GTSE1: variants seen among roughly 807,000 people sequenced by gnomAD.
The protein encoded by GTSE1 is G2 and S phase-expressed protein 1.
Under a neutral mutation model 60.5 loss-of-function variants are expected in GTSE1, and 52 were observed. The ratio of observed to expected loss-of-function variants is 0.86; its 90% CI spans 0.69 to 1.08. The LOEUF is 1.08. Ranked by LOEUF, GTSE1 falls within the 50% of genes least tolerant of loss-of-function variation. GTSE1 has a pLI of 0.00. For missense variants in GTSE1, 937 were observed against 961.8 expected, an observed-to-expected ratio of 0.97 and a Z score of 0.34; for synonymous variants, 368 against 386.5, an observed-to-expected ratio of 0.95 and a Z score of 0.56.
rs959904116 is a variant in GTSE1 at position 46,329,527 on chromosome 22, T to C, written c.2096T>C (p.Met699Thr). ...LIDLMTNTPD[M>T]NKNVAKPSPV... ...GACCTCATGACAAACACTCCAGACA[T>C]GAATAAAAATGTGGCCAAACCTTCA... Residue 699 changes from methionine (M) to threonine (T), a missense_variant, in exon 11 of 12, where the codon ATG becomes ACG. By Grantham distance (81) the Met-to-Thr change is moderately conservative. Coordinates refer to ENST00000454366, the MANE Select transcript of GTSE1 (RefSeq NM_016426.7). The surrounding 1 kb of genome is among the most constrained non-coding windows in gnomAD (Gnocchi z 6.4). 6.2e-6 allele frequency: 10 copies of C among 1,613,878 alleles called. No homozygotes were observed. The highest frequency in any genetic ancestry group is 6.8e-6 in the Non-Finnish European group (8 of 1,180,002).
At position 46,316,492 on chromosome 22, in the gene GTSE1, G is replaced by T; in HGVS notation, c.1432+80G>T. The stretch of plus-strand genomic sequence containing the variant: ...TTAAAGTTTTAAACAATTATTGATG[G>T]CATTGATGGTGTTTTTAGTTCTTTC... On this transcript the variant is annotated intron_variant, in intron 7 of 11. Coordinates refer to ENST00000454366, the MANE Select transcript of GTSE1 (RefSeq NM_016426.7). This position sits in a 1 kb window ranked among gnomAD's most constrained non-coding sequence, Gnocchi z 5.0. 2 of 976,976 alleles carry T rather than the reference G, an allele frequency of 2.0e-6. No individual in the cohort carries two copies. Among genetic ancestry groups the T allele is most frequent in the Non-Finnish European group, 3.1e-6 (2 of 647,596 alleles). The allele number at this position is 976,976 out of a possible 1,614,324, so 60.5% of individuals were successfully genotyped here. A position where few individuals can be genotyped will look rare whatever the true frequency, so the allele number is the denominator to read the frequency against.
Position 46,321,047 on chromosome 22 carries a change from G to A in GTSE1, c.1433-2143G>A, listed in dbSNP as rs2077809550. Among the ~76,000 whole-genome samples, 1 of 152,022 alleles carries A rather than the reference G, an allele frequency of 6.6e-6. No individual in the cohort carries two copies. Among genetic ancestry groups the A allele is most frequent in the Admixed American group, 6.6e-5 (1 of 15,266 alleles). On this transcript the variant is annotated intron_variant, in intron 7 of 11. Transcript: ENST00000454366. This position sits in a 1 kb window ranked among gnomAD's most constrained non-coding sequence, Gnocchi z 4.0. Reference sequence around the variant, plus strand: ...CAAGGGAGAGGGAGGCGGCGAGGGAGAGAGAGGTGGGCTTGCCTCCACACC... The same window carrying A: ...CAAGGGAGAGGGAGGCGGCGAGGGAAAGAGAGGTGGGCTTGCCTCCACACC...
chr22:46,325,435 A>G (rs1458839506), intron 8 of GTSE1, among the ~76,000 whole-genome samples: 3 of 152,032 alleles, frequency 2.0e-5, no homozygotes. Flanking sequence ...TGACCTCGTG[A>G]TCCACCCGCC....
In GTSE1 at chr22:46,313,849, C is replaced by T. The variant is rs767975625; in HGVS notation, c.928-41C>T. 1.6e-5 allele frequency: 26 copies of T among 1,611,380 alleles called. No individual in the cohort carries two copies. In the South Asian group the frequency reaches 2.3e-4, roughly 14 times the overall value. On this transcript the variant is annotated intron_variant, in intron 5 of 11. Coordinates refer to ENST00000454366, the MANE Select transcript of GTSE1 (RefSeq NM_016426.7). The surrounding 1 kb of genome is among the most constrained non-coding windows in gnomAD (Gnocchi z 4.4). The stretch of plus-strand genomic sequence containing the variant: ...GCAGACACAAGTAATAGGTAAATAA[C>T]GAGATCTTTGCTGATTCTGTTTTTT...
chr22:46,302,419 G>A (rs2077694349), intron 2 of GTSE1, among the ~76,000 whole-genome samples: 1 of 151,694 alleles, frequency 6.6e-6, no homozygotes, highest in African/African-American at 2.4e-5. Context: ...CTGTTGCCTG[G>A]GCCTGAGTGT....
At chr22:46,308,007 A>C (rs6008597) in intron 2 of GTSE1, 143 bp from the exon 3 acceptor site, 72,564 of 633,542 alleles carry the variant, frequency 0.11, 5,985 homozygotes, top group African/African-American at 0.34. Flanking sequence ...CCCTATGAAA[A>C]ACTAAATTAG....
At chr22:46,325,218 A>T (rs1286562735) in intron 8 of GTSE1, among the ~76,000 whole-genome samples, 1 of 152,086 alleles carries the variant, frequency 6.6e-6, no homozygotes, top group Non-Finnish European at 1.5e-5. Context: ...TTATTTTGAG[A>T]TGGAGACTCG....
intron 4 of GTSE1, among the ~76,000 whole-genome samples, chr22:46,311,239 G>T (rs1008241593): frequency 6.6e-6 from 1 of 151,926 alleles, no homozygotes; most frequent in South Asian, 2.1e-4. Context: ...CACCACGCCC[G>T]GCTAATTTTT....
At chr22:46,298,598 G>A (rs542652349) in intron 2 of GTSE1, among the ~76,000 whole-genome samples, 135 of 152,156 alleles carry the variant, frequency 8.9e-4, no homozygotes, top group Non-Finnish European at 1.6e-3. Flanking sequence ...GTGAACCACC[G>A]CGCCTGGCCC....
Position 46,328,827 on chromosome 22 carries a change from A to G in GTSE1, c.1864A>G (p.Ser622Gly). ...PEESDSTFSK[S>G]TATEVAREEA... The stretch of plus-strand genomic sequence containing the variant: ...GGAAAGCGATTCTACTTTCTCCAAA[A>G]GTACTGCCACAGAAGTAGCTCGGGA... The change falls in exon 10 of 12, where the codon AGT becomes GGT. Residue 622 changes from serine to glycine, a missense_variant. Coordinates refer to ENST00000454366, the MANE Select transcript of GTSE1 (RefSeq NM_016426.7). The G allele has an allele frequency of 6.2e-7, 1 of 1,614,130 alleles. No individual in the cohort carries two copies. The highest frequency in any genetic ancestry group is 1.7e-5 in the Admixed American group (1 of 60,030).
intron 2 of GTSE1, among the ~76,000 whole-genome samples, chr22:46,306,242 C>T (rs902630334): frequency 5.3e-5 from 8 of 151,944 alleles, no homozygotes; most frequent in Admixed American, 1.3e-4. Flanking sequence ...AGTGCAGTGG[C>T]GCGATCTCTG....
Position 46,308,434 on chromosome 22 carries a change from G to C in GTSE1, c.253G>C (p.Glu85Gln). 6.2e-7 allele frequency: 1 copy of C among 1,614,174 alleles called. No homozygotes were observed. Among genetic ancestry groups the C allele is most frequent in the Non-Finnish European group, 8.5e-7 (1 of 1,180,038 alleles). Residue 85 changes from glutamate (E) to glutamine (Q), a missense_variant, in exon 4 of 12, where the codon GAG becomes CAG. Coordinates refer to ENST00000454366, the MANE Select transcript of GTSE1 (RefSeq NM_016426.7). ...CGAACAGCCTCCGTTGCCCACATCT[G>C]AGAGTCCCTTTGCCTGGAGCCCTCT... is the stretch of plus-strand genomic sequence containing the variant. ...VPEQPPLPTS[E>Q]SPFAWSPLAG...
intron 9 of GTSE1, among the ~76,000 whole-genome samples, chr22:46,327,548 G>A (rs888595089): frequency 8.6e-5 from 13 of 152,044 alleles, no homozygotes; most frequent in Admixed American, 4.6e-4. Context: ...GGTGGCATGC[G>A]CCTGTAATCC....
rs1305952679 is a variant in GTSE1, at chr22:46,320,452, A to T, written c.1433-2738A>T. On this transcript the variant is annotated intron_variant, in intron 7 of 11. Transcript: ENST00000454366. This position sits in a 1 kb window ranked among gnomAD's most constrained non-coding sequence, Gnocchi z 7.1. ...CCAGGGGAGCAGCCACGCTGTTGGGAACACACAGCTCTGGGAGGCACGTGG... is the reference window on the plus strand; with the variant it reads ...CCAGGGGAGCAGCCACGCTGTTGGGTACACACAGCTCTGGGAGGCACGTGG... 1.3e-5 allele frequency among the ~76,000 whole-genome samples: 2 copies of T among 152,166 alleles called. No individual in the cohort carries two copies. Among genetic ancestry groups the T allele is most frequent in the African/African-American group, 4.8e-5 (2 of 41,432 alleles).
rs187426073 is a variant in GTSE1 at position 46,310,844 on chromosome 22, C to T, written c.763-1297C>T. On this transcript the variant is annotated intron_variant, in intron 4 of 11. Transcript: ENST00000454366. This position sits in a 1 kb window ranked among gnomAD's most constrained non-coding sequence, Gnocchi z 4.4. ...ACTTGGGAGGCTGAGGCAGGAGAAT[C>T]GCCTGAACCCAGGAGGTGGAGGTTG... is the stretch of plus-strand genomic sequence containing the variant. 1.3e-4 allele frequency among the ~76,000 whole-genome samples: 20 copies of T among 152,218 alleles called. No individual in the cohort carries two copies. Among genetic ancestry groups the T allele is most frequent in the Admixed American group, 5.2e-4 (8 of 15,292 alleles).
Position 46,324,182 on chromosome 22 carries a change from C to CG in GTSE1, c.1505+921dup, listed in dbSNP as rs146264101. On this transcript the variant is annotated intron_variant, in intron 8 of 11. Coordinates refer to ENST00000454366, the MANE Select transcript of GTSE1 (RefSeq NM_016426.7). The surrounding 1 kb of genome is among the most constrained non-coding windows in gnomAD (Gnocchi z 5.2). ...GAGCTTGAGACACGCTTCGCGAGGT[C>CG]GAACTAGCCAGTCCCTCACGTGCTG... Among the ~76,000 whole-genome samples the CG allele has an allele frequency of 3.4e-4, 52 of 152,210 alleles. No individual in the cohort carries two copies. The highest frequency in any genetic ancestry group is 1.2e-3 in the African/African-American group (49 of 41,528).
chr22:46,304,792 A>G lies in GTSE1; in HGVS notation c.80-3358A>G, dbSNP rs560552159. 9.9e-5 allele frequency among the ~76,000 whole-genome samples: 15 copies of G among 152,160 alleles called. No individual in the cohort carries two copies. Among genetic ancestry groups the G allele is most frequent in the Non-Finnish European group, 2.1e-4 (14 of 68,042 alleles). On this transcript the variant is annotated intron_variant, in intron 2 of 11. Transcript: ENST00000454366. The surrounding 1 kb of genome is among the most constrained non-coding windows in gnomAD (Gnocchi z 4.4). ...CCAGCAGTTTGAGACCAGCCTGGGC[A>G]ACATGAGGAGATCCCATCTCTACAA...
intron 10 of GTSE1, 72 bp downstream of exon 10, chr22:46,328,961 C>G (rs1300490926): frequency 8.0e-7 from 1 of 1,254,146 alleles, no homozygotes; most frequent in Non-Finnish European, 1.1e-6. Context: ...CCCGTGGAAC[C>G]CAGGGCTGTG....
In GTSE1 at chr22:46,300,673, G is replaced by A. The variant is rs923634343; in HGVS notation, c.79+3194G>A. Among the ~76,000 whole-genome samples, 3 of 152,190 alleles carry A rather than the reference G, an allele frequency of 2.0e-5. No individual in the cohort carries two copies. The South Asian group carries it at 6.2e-4, about 32-fold the overall frequency. On this transcript the variant is annotated intron_variant, in intron 2 of 11. Coordinates refer to ENST00000454366, the MANE Select transcript of GTSE1 (RefSeq NM_016426.7). ...TGCCTGGCACCTAGCGAAGGATGTG[G>A]TCTGTTGTGGGTGCTCATGTGTTTG...
Sources: gnomAD v4.1 joint callset for allele counts (sites outside exome capture counted in the v4.1 genomes callset) on GRCh38, gnomAD v4.1.1 for gene constraint, Gnocchi (gnomAD v3.1) non-coding constraint, MANE v1.5 for transcripts, NCBI Gene and HGNC (gene_info 2026-07-23, HGNC 2026-07-21) for gene names.